Variants in ATF2 observed in about 807,000 individuals in gnomAD.
The protein encoded by ATF2 is activating transcription factor 2, also known as cyclic AMP-dependent transcription factor ATF-2.
In ATF2, 24 loss-of-function variants were observed where a neutral mutation model predicts 60.6. The ratio of observed to expected loss-of-function variants is 0.40; its 90% CI spans 0.29 to 0.56. ATF2 has a LOEUF of 0.56. Ranked by LOEUF, ATF2 falls within the 20% of genes least tolerant of loss-of-function variation. The probability of loss-of-function intolerance (pLI) is 0.54; values close to 1 mark genes in which losing one functional copy is unlikely to be tolerated. For missense variants in ATF2, 433 were observed against 607.7 expected (o/e 0.71, Z 3.02); for synonymous variants, 206 against 215.4 (o/e 0.96, Z 0.38).
chr2:175,079,710 G>A (rs544066748), intron 13 of ATF2, among the ~76,000 whole-genome samples: 3 of 152,168 alleles, frequency 2.0e-5, no homozygotes, highest in Non-Finnish European at 2.9e-5. Flanking sequence ...AAGTTTTATC[G>A]TGAGCACCTG....
At chr2:175,122,898 C>CT (rs1373070448) in intron 4 of ATF2, among the ~76,000 whole-genome samples, 3 of 152,074 alleles carry the variant, frequency 2.0e-5, no homozygotes, top group African/African-American at 7.2e-5. Flanking sequence ...ATGAATTCAA[C>CT]TTCAATTTAA....
chr2:175,081,589 T>C (rs967422437), intron 12 of ATF2, among the ~76,000 whole-genome samples: 2 of 152,170 alleles, frequency 1.3e-5, no homozygotes, highest in African/African-American at 4.8e-5. Context: ...ATATAAAAAA[T>C]TCTTAGCTTA....
intron 1 of ATF2, among the ~76,000 whole-genome samples, chr2:175,162,276 C>A (rs1410357131): frequency 6.6e-6 from 1 of 152,172 alleles, no homozygotes; most frequent in African/African-American, 2.4e-5. Context: ...ATATGGCCAA[C>A]TAAATAATTT....
Position 175,072,752 on chromosome 2 carries a change from A to C in ATF2, c.*1857T>G, listed in dbSNP as rs1693020926. Reference sequence around the variant, plus strand: ...AAAATCATGATTTGAAAAACTGATTACTTTAAAATAATGAAATTAGTTAAA... The same window carrying C: ...AAAATCATGATTTGAAAAACTGATTCCTTTAAAATAATGAAATTAGTTAAA... On this transcript the variant is annotated 3_prime_UTR_variant, in exon 14 of 14. Coordinates refer to ENST00000264110, the MANE Select transcript of ATF2 (RefSeq NM_001880.4). 1 of 152,160 alleles carries C rather than the reference A, an allele frequency of 6.6e-6. No homozygotes were observed. The highest frequency in any genetic ancestry group is 2.4e-5 in the African/African-American group (1 of 41,448). 9.4% of individuals were successfully genotyped at this position (152,160 alleles called of 1,614,324 possible).
At chr2:175,094,975 A>G (rs1014033551) in intron 11 of ATF2, among the ~76,000 whole-genome samples, 4 of 152,342 alleles carry the variant, frequency 2.6e-5, no homozygotes, top group Admixed American at 2.6e-4. Context: ...ATAAAGATTA[A>G]GCATTTAAAT....
rs1559107139 is a variant in ATF2 at position 175,141,011 on chromosome 2, AAAAAAAAAAAAAAAAAAAAAT to A, written c.-43-4546_-43-4526del. 1.1e-4 allele frequency among the ~76,000 whole-genome samples: 11 copies of A among 98,542 alleles called. No homozygotes were observed. The South Asian group carries it at 3.2e-3, about 28-fold the overall frequency. The allele number at this position is 98,542 out of a possible 152,430, so 64.6% of individuals were successfully genotyped here. A position where few individuals can be genotyped will look rare whatever the true frequency, so the allele number is the denominator to read the frequency against. The stretch of plus-strand genomic sequence containing the variant: ...GACCCTATCTCAGGAAAAAAAAAAA[AAAAAAAAAAAAAAAAAAAAAT>A]ATATATATATATATATATATGTATA... On this transcript the variant is annotated intron_variant, in intron 2 of 13. Coordinates refer to ENST00000264110, the MANE Select transcript of ATF2 (RefSeq NM_001880.4).
At chr2:175,153,030 A>G (rs1456877736) in intron 1 of ATF2, among the ~76,000 whole-genome samples, 3 of 152,216 alleles carry the variant, frequency 2.0e-5, no homozygotes, top group Non-Finnish European at 2.9e-5. Context: ...ACCAGGTACA[A>G]AAGTAATTGC....
intron 7 of ATF2, 84 bp downstream of exon 7, chr2:175,117,906 A>G (rs1696694426): frequency 1.4e-6 from 2 of 1,394,158 alleles, no homozygotes; most frequent in African/African-American, 1.5e-5. Flanking sequence ...AATTTAATAC[A>G]TTAACATTTT....
chr2:175,114,396 C>A (rs1696406942), intron 8 of ATF2: 1 of 1,249,204 alleles, frequency 8.0e-7, no homozygotes, highest in East Asian at 3.6e-5. Context: ...CCAGTAAGAA[C>A]TGAAAGAAAT....
At position 175,114,011 on chromosome 2, in the gene ATF2, C is replaced by A. The variant is rs779874682; in HGVS notation, c.724G>T (p.Val242Phe). The change falls in exon 9 of 14, where the codon GTT becomes TTT. Residue 242 changes from valine (V) to phenylalanine (F), a missense_variant. This residue lies in a region of ATF2 where 246 missense variants were observed against 309.3 expected (regional missense o/e 0.80). Transcript: ENST00000264110. Reference sequence around the variant, plus strand: ...TTTCTTACTGGGACTGCAGCTGGAACATGCACATTAGAACTTGTAATTGAT... The same window carrying A: ...TTTCTTACTGGGACTGCAGCTGGAAAATGCACATTAGAACTTGTAATTGAT... ...PASITSSNVHVPAAVPLVRPV... is the reference protein window; with the variant it reads ...PASITSSNVHFPAAVPLVRPV... The A allele has an allele frequency of 6.2e-7, 1 of 1,610,130 alleles. No homozygotes were observed. Among genetic ancestry groups the A allele is most frequent in the Non-Finnish European group, 8.5e-7 (1 of 1,177,858 alleles).
At position 175,080,662 on chromosome 2, in the gene ATF2, T is replaced by A; in HGVS notation, c.1289A>T (p.His430Leu). Residue 430 changes from histidine (H) to leucine (L), a missense_variant and splice_region_variant, in exon 13 of 14, where the codon CAT becomes CTT. This residue lies in a region of ATF2 where 114 missense variants were observed against 104.0 expected (regional missense o/e 1.10). Coordinates refer to ENST00000264110, the MANE Select transcript of ATF2 (RefSeq NM_001880.4). ...ATAGGTAATGGAACATTACTCACTA[T>A]GATAGCCAGATTTCTTCTGCATGGC... ...VTAMQKKSGYHTADKDDSSED... is the reference protein window; with the variant it reads ...VTAMQKKSGYLTADKDDSSED... 1 of 1,612,438 alleles carries A rather than the reference T, an allele frequency of 6.2e-7. No homozygotes were observed. The highest frequency in any genetic ancestry group is 8.5e-7 in the Non-Finnish European group (1 of 1,178,838).
At chr2:175,140,959 T>C (rs867550416) in intron 2 of ATF2, among the ~76,000 whole-genome samples, 1 of 115,376 alleles carries the variant, frequency 8.7e-6, no homozygotes, top group African/African-American at 3.3e-5. Context: ...CTCTTGCCAA[T>C]ACACTCCAGC....
chr2:175,158,395 A>T, intron 1 of ATF2, among the ~76,000 whole-genome samples: 1 of 151,510 alleles, frequency 6.6e-6, no homozygotes, highest in East Asian at 1.9e-4. Flanking sequence ...ACCCAGCTAA[A>T]TTTTTTTTGG....
intron 2 of ATF2, among the ~76,000 whole-genome samples, chr2:175,139,663 C>CAAAAAAAAA (rs201481065): frequency 1.2e-5 from 1 of 80,122 alleles, no homozygotes; most frequent in Admixed American, 1.5e-4. Context: ...GACTCCATCT[C>CAAAAAAAAA]AAAAAAAAAA....
At chr2:175,079,206 G>A (rs945504418) in intron 13 of ATF2, among the ~76,000 whole-genome samples, 1 of 151,904 alleles carries the variant, frequency 6.6e-6, no homozygotes, top group African/African-American at 2.4e-5. Flanking sequence ...AAAACTGTTG[G>A]GATTATCTAA....
chr2:175,099,371 G>C (rs1463442376), intron 10 of ATF2, among the ~76,000 whole-genome samples: 1 of 151,992 alleles, frequency 6.6e-6, no homozygotes, highest in African/African-American at 2.4e-5. Context: ...CTAAAGTTCT[G>C]GGATTACAGG....
At chr2:175,126,510 C>T (rs2105734881) in intron 4 of ATF2, among the ~76,000 whole-genome samples, 1 of 152,070 alleles carries the variant, frequency 6.6e-6, no homozygotes, top group Admixed American at 6.5e-5. Flanking sequence ...AGTAGGAAAC[C>T]TAAAAAAATA....
chr2:175,094,196 C>A (rs999630322), intron 11 of ATF2, among the ~76,000 whole-genome samples: 4 of 151,826 alleles, frequency 2.6e-5, no homozygotes, highest in African/African-American at 9.7e-5. Flanking sequence ...AGTTCGAGAC[C>A]AGCCTGGCCA....
At position 175,168,146 on chromosome 2, in the gene ATF2, A is replaced by G. The variant is rs1237019995; in HGVS notation, c.-239T>C. On this transcript the variant is annotated 5_prime_UTR_variant, in exon 1 of 14. Transcript: ENST00000264110. The stretch of plus-strand genomic sequence containing the variant: ...CCCCTGGAGGAAAAGGCTGAACGGC[A>G]CTTTAAAGGCCACGGGCTCCCACAG... The G allele has an allele frequency of 6.4e-6, 1 of 155,198 alleles. No homozygotes were observed. The highest frequency in any genetic ancestry group is 1.4e-5 in the Non-Finnish European group (1 of 69,330). 9.6% of individuals were successfully genotyped at this position (155,198 alleles called of 1,614,324 possible).
Sources: allele counts gnomAD v4.1 joint callset (sites outside exome capture counted in the v4.1 genomes callset), GRCh38; gene constraint gnomAD v4.1.1; regional missense constraint gnomAD v4.1.1; transcripts MANE v1.5; gene names NCBI Gene and HGNC (gene_info 2026-07-23, HGNC 2026-07-21).